Variants in TH observed in about 807,000 individuals in gnomAD.
TH encodes the protein tyrosine hydroxylase.
In TH, 49 loss-of-function variants were observed where a neutral mutation model predicts 57.4. The ratio of observed to expected loss-of-function variants is 0.85; its 90% CI spans 0.68 to 1.08. The LOEUF (loss-of-function observed/expected upper bound fraction) is 1.08, where lower values mean the gene tolerates loss of function less well. Among genes scored for constraint, TH ranks in the 50% least tolerant of loss-of-function variants. TH has a pLI of 0.00. For missense variants in TH, 720 were observed against 696.7 expected (o/e 1.03, Z -0.38); for synonymous variants, 330 against 304.5 (o/e 1.08, Z -0.87).
rs557070276 is a variant in TH at position 2,171,006 on chromosome 11, C to A, written c.90+691G>T. 6.6e-6 allele frequency among the ~76,000 whole-genome samples: 1 copy of A among 152,192 alleles called. No individual in the cohort carries two copies. The highest frequency in any genetic ancestry group is 2.1e-4 in the South Asian group (1 of 4,824). On this transcript the variant is annotated intron_variant, in intron 1 of 12. Coordinates refer to ENST00000352909, the MANE Select transcript of TH (RefSeq NM_000360.4). The surrounding 1 kb of genome is among the most constrained non-coding windows in gnomAD (Gnocchi z 8.6). Reference sequence around the variant, plus strand: ...ACCCCTCCTGTGGGCTGAAAAGCTCCCGATTATCCAGCCTGGCCCACACAG... The same window carrying A: ...ACCCCTCCTGTGGGCTGAAAAGCTCACGATTATCCAGCCTGGCCCACACAG...
chr11:2,170,867 T>C lies in TH; in HGVS notation c.90+830A>G, dbSNP rs1005223907. On this transcript the variant is annotated intron_variant, in intron 1 of 12. Transcript: ENST00000352909. This position sits in a 1 kb window ranked among gnomAD's most constrained non-coding sequence, Gnocchi z 6.0. ...CGCCCTGTGTCCCTGAGAAGGTACC[T>C]GGAAATGACACTGCTACAACTCACA... 1.2e-5 allele frequency: 8 copies of C among 641,624 alleles called. No individual in the cohort carries two copies. In the East Asian group the frequency reaches 2.2e-4, roughly 18 times the overall value. 39.7% of individuals were successfully genotyped at this position (641,624 alleles called of 1,614,324 possible).
At chr11:2,167,056 C>A in intron 6 of TH, 24 bp from the exon 7 acceptor site, 2 of 1,565,750 alleles carry the variant, frequency 1.3e-6, no homozygotes, top group South Asian at 1.2e-5. Context: ...GGCTCAGGGC[C>A]CTCTAATGCC....
chr11:2,168,397 C>T (rs1846159786), intron 3 of TH, 94 bp downstream of exon 3: 2 of 1,542,690 alleles, frequency 1.3e-6, no homozygotes, highest in African/African-American at 1.4e-5. Context: ...CAGGCCACCA[C>T]CACGTGGTCA....
intron 1 of TH, 98 bp from the exon 2 acceptor site, chr11:2,169,969 C>A: frequency 1.6e-6 from 2 of 1,254,384 alleles, no homozygotes; most frequent in Non-Finnish European, 2.3e-6. Context: ...TGATGGCACA[C>A]AGAGGCAGGG....
In TH at chr11:2,168,340, G is replaced by A. The variant is rs952603202; in HGVS notation, c.487+151C>T. On this transcript the variant is annotated intron_variant, in intron 3 of 12. Coordinates refer to ENST00000352909, the MANE Select transcript of TH (RefSeq NM_000360.4). ...TGGAGTGGCCCCAGGCCCGGACACG[G>A]ATGTGTAGCAAAACGGGGTGCGGAG... 15 of 1,346,822 alleles carry A rather than the reference G, an allele frequency of 1.1e-5. No homozygotes were observed. The African/African-American group carries it at 1.7e-4, about 16-fold the overall frequency. 83.4% of individuals were successfully genotyped at this position (1,346,822 alleles called of 1,614,324 possible).
intron 8 of TH, 39 bp downstream of exon 8, chr11:2,166,593 AC>A (rs778523740): frequency 7.6e-6 from 12 of 1,583,444 alleles, no homozygotes; most frequent in Non-Finnish European, 9.4e-6. Context: ...CGCCCGTCGC[AC>A]CCCCCACCCT....
intron 3 of TH, 26 bp from the exon 4 acceptor site, chr11:2,168,205 C>G (rs766315619): frequency 1.9e-6 from 3 of 1,609,366 alleles, no homozygotes; most frequent in Non-Finnish European, 2.5e-6. Flanking sequence ...AGGAAGAGAT[C>G]TTGGTGAGCT....
intron 6 of TH, 38 bp from the exon 7 acceptor site, chr11:2,167,070 C>T (rs2133693985): frequency 6.4e-7 from 1 of 1,556,472 alleles, no homozygotes; most frequent in Non-Finnish European, 8.7e-7. Context: ...TAATGCCCCA[C>T]CCCAGTGCCC....
At chr11:2,165,455 T>C in intron 11 of TH, 90 bp from the exon 12 acceptor site, 1 of 1,573,154 alleles carries the variant, frequency 6.4e-7, no homozygotes, top group South Asian at 1.1e-5. Context: ...GGTGGGTTCC[T>C]TGGGTAGAGT....
chr11:2,168,255 C>G, intron 3 of TH, 76 bp from the exon 4 acceptor site: 2 of 1,524,442 alleles, frequency 1.3e-6, no homozygotes, highest in East Asian at 2.3e-5. Flanking sequence ...GAAGCAGCCT[C>G]CCCTACAAGA....
chr11:2,164,215 C>T lies in TH; in HGVS notation c.*18G>A. ...GGACCAGGGGAGGTTGGGAAGGGCC[C>T]TCAGGGACGCCGTGCACCTAGCCAA... On this transcript the variant is annotated 3_prime_UTR_variant, in exon 13 of 13. Coordinates refer to ENST00000352909, the MANE Select transcript of TH (RefSeq NM_000360.4). 1 of 1,439,982 alleles carries T rather than the reference C, an allele frequency of 6.9e-7. No homozygotes were observed. The highest frequency in any genetic ancestry group is 1.6e-5 in the South Asian group (1 of 64,100). 89.2% of individuals were successfully genotyped at this position (1,439,982 alleles called of 1,614,324 possible). A position where few individuals can be genotyped will look rare whatever the true frequency, so the allele number is the denominator to read the frequency against.
At chr11:2,168,724 AGGGTGGGGT>A in intron 2 of TH, 59 bp from the exon 3 acceptor site, 4 of 98,042 alleles carry the variant, frequency 4.1e-5, no homozygotes, top group Non-Finnish European at 7.7e-5. Flanking sequence ...ATGGAGAGAG[AGGGTGGGGT>A]GGGCGGGGAG....
chr11:2,166,420 CG>C, intron 9 of TH, 59 bp downstream of exon 9: 1 of 1,521,984 alleles, frequency 6.6e-7, no homozygotes, highest in African/African-American at 1.4e-5. Context: ...GATCCCCGCC[CG>C]CCCCCGGCGC....
In TH at chr11:2,167,847, G is replaced by A. The variant is rs769248793; in HGVS notation, c.644+19C>T. On this transcript the variant is annotated intron_variant, in intron 5 of 12. Transcript: ENST00000352909. ...GCCTGCAGGACGGAGTCTGGGTCCCGAGCGCAGGGGCCCCTCACTGCCTGT... is the reference window on the plus strand; with the variant it reads ...GCCTGCAGGACGGAGTCTGGGTCCCAAGCGCAGGGGCCCCTCACTGCCTGT... 3.4e-5 allele frequency: 54 copies of A among 1,588,996 alleles called. 1 individual carries two copies. In the Middle Eastern group the frequency reaches 1.3e-3, roughly 39 times the overall value.
intron 12 of TH, among the ~76,000 whole-genome samples, 162 bp downstream of exon 12, chr11:2,165,070 A>T (rs1046525399): frequency 6.6e-6 from 1 of 152,006 alleles, no homozygotes; most frequent in African/African-American, 2.4e-5. Flanking sequence ...GGTCCTTCTC[A>T]CGGATGGTGT....
intron 9 of TH, 133 bp from the exon 10 acceptor site, chr11:2,166,191 C>G: frequency 9.3e-7 from 1 of 1,071,580 alleles, no homozygotes; most frequent in Non-Finnish European, 1.4e-6. Flanking sequence ...CTTCCCTGGC[C>G]GCCCAGGATC....
At chr11:2,167,270 G>T in intron 6 of TH, 165 bp downstream of exon 6, 1 of 982,766 alleles carries the variant, frequency 1.0e-6, no homozygotes, top group Non-Finnish European at 1.5e-6. Context: ...AGGATGGGTA[G>T]CCTCTTCCTC....
In TH at chr11:2,165,899, C is replaced by T. The variant is rs1846076843; in HGVS notation, c.1104+103G>A. 9.3e-6 allele frequency: 14 copies of T among 1,500,902 alleles called. No homozygotes were observed. In the South Asian group the frequency reaches 1.1e-4, roughly 12 times the overall value. 93.0% of individuals were successfully genotyped at this position (1,500,902 alleles called of 1,614,324 possible). Reference sequence around the variant, plus strand: ...GCAGGCCAGGGTGAGGGTCACAATTCGTGGGTGGAAGGAGAGGCCTCAGCC... The same window carrying T: ...GCAGGCCAGGGTGAGGGTCACAATTTGTGGGTGGAAGGAGAGGCCTCAGCC... On this transcript the variant is annotated intron_variant, in intron 10 of 12. Transcript: ENST00000352909.
chr11:2,164,448 C>T, intron 12 of TH, 56 bp from the exon 13 acceptor site: 1 of 1,535,436 alleles, frequency 6.5e-7, no homozygotes, highest in South Asian at 1.2e-5. Context: ...CTGCAGCCTC[C>T]AGGAGAGGGG....
Sources: gnomAD v4.1 joint callset for allele counts (sites outside exome capture counted in the v4.1 genomes callset) on GRCh38, gnomAD v4.1.1 for gene constraint, Gnocchi (gnomAD v3.1) non-coding constraint, MANE v1.5 for transcripts, NCBI Gene and HGNC (gene_info 2026-07-23, HGNC 2026-07-21) for gene names.